Variants in CCSER1 observed in about 807,000 individuals in gnomAD.
CCSER1 encodes the protein serine-rich coiled-coil domain-containing protein 1.
A neutral mutation model predicts 82.0 loss-of-function variants in CCSER1; 41 were observed. The observed-to-expected ratio is 0.50, with a 90% CI of 0.39 to 0.65. CCSER1 has a LOEUF of 0.65. Among genes scored for constraint, CCSER1 ranks in the 30% least tolerant of loss-of-function variants. The probability of loss-of-function intolerance (pLI) is 0.00; values close to 1 mark genes in which losing one functional copy is unlikely to be tolerated. For missense variants in CCSER1, 1,119 were observed against 1,064.2 expected (o/e 1.05, Z -0.72); for synonymous variants, 414 against 383.9 (o/e 1.08, Z -0.92).
chr4:91,440,925 A>G (rs1480376872), intron 10 of CCSER1, among the ~76,000 whole-genome samples: 2 of 152,146 alleles, frequency 1.3e-5, no homozygotes, highest in African/African-American at 2.4e-5. Flanking sequence ...ACCAGGAAGA[A>G]GTTGAATCTC....
At chr4:91,215,157 T>C (rs913680530) in intron 10 of CCSER1, among the ~76,000 whole-genome samples, 3 of 152,156 alleles carry the variant, frequency 2.0e-5, no homozygotes, top group African/African-American at 7.2e-5. Context: ...TACCTATATA[T>C]GGTGAGCCTT....
intron 10 of CCSER1, among the ~76,000 whole-genome samples, chr4:91,348,517 T>G (rs1372210439): frequency 1.3e-5 from 2 of 152,198 alleles, no homozygotes; most frequent in Admixed American, 1.3e-4. Flanking sequence ...TCCCACTACT[T>G]CCATTTTTTG....
intron 10 of CCSER1, among the ~76,000 whole-genome samples, chr4:91,498,452 T>C (rs1418463289): frequency 1.1e-5 from 1 of 88,452 alleles, no homozygotes; most frequent in Non-Finnish European, 2.8e-5. Flanking sequence ...CTTTGTTCTA[T>C]TTATGCTTTT....
chr4:90,429,510 C>A (rs1757986100), intron 4 of CCSER1, among the ~76,000 whole-genome samples: 1 of 151,732 alleles, frequency 6.6e-6, no homozygotes, highest in Admixed American at 6.6e-5. Context: ...ACTATTATAG[C>A]TTATTTATTT....
At chr4:91,075,173 G>A (rs1445055238) in intron 9 of CCSER1, among the ~76,000 whole-genome samples, 1 of 94,224 alleles carries the variant, frequency 1.1e-5, no homozygotes, top group Non-Finnish European at 2.0e-5. Context: ...TTGGTAGGAA[G>A]TTCTATTTTT....
chr4:90,630,871 T>G (rs1309870081), intron 6 of CCSER1, among the ~76,000 whole-genome samples: 2 of 59,252 alleles, frequency 3.4e-5, no homozygotes, highest in Admixed American at 1.4e-4. Flanking sequence ...GTTCACAGAT[T>G]ATTATTATTA....
intron 5 of CCSER1, among the ~76,000 whole-genome samples, chr4:90,489,827 C>T (rs1465074669): frequency 2.0e-5 from 3 of 152,138 alleles, no homozygotes; most frequent in South Asian, 2.1e-4. Flanking sequence ...CAGCTTCATT[C>T]ATGTCCCTAC....
intron 7 of CCSER1, among the ~76,000 whole-genome samples, chr4:90,747,100 T>C (rs772412927): frequency 1.1e-4 from 16 of 151,704 alleles, no homozygotes; most frequent in Non-Finnish European, 1.6e-4. Flanking sequence ...AGGGAGGAGA[T>C]GGGAGACAGA....
At chr4:90,407,241 A>G (rs146251051) in intron 4 of CCSER1, among the ~76,000 whole-genome samples, 68 of 152,326 alleles carry the variant, frequency 4.5e-4, no homozygotes, top group Middle Eastern at 6.8e-3. Context: ...ACACCTTTAC[A>G]CACATAAACT....
intron 10 of CCSER1, among the ~76,000 whole-genome samples, chr4:91,377,887 A>G (rs1464290767): frequency 6.6e-6 from 1 of 152,164 alleles, no homozygotes; most frequent in Non-Finnish European, 1.5e-5. Context: ...TTTTAGGTCT[A>G]ACATTTAAGT....
At chr4:91,008,606 G>A (rs1010928873) in intron 9 of CCSER1, among the ~76,000 whole-genome samples, 3 of 152,130 alleles carry the variant, frequency 2.0e-5, no homozygotes, top group African/African-American at 7.2e-5. Context: ...AGGCTAAAAT[G>A]GGTCTTTTGG....
chr4:90,608,486 ATTAAATT>A (rs1785026772), intron 5 of CCSER1, among the ~76,000 whole-genome samples: 1 of 152,194 alleles, frequency 6.6e-6, no homozygotes, highest in Non-Finnish European at 1.5e-5. Flanking sequence ...ACGATATCCC[ATTAAATT>A]CACAGTTTCT....
intron 1 of CCSER1, among the ~76,000 whole-genome samples, chr4:90,173,054 G>T (rs1306686889): frequency 6.6e-6 from 1 of 151,712 alleles, no homozygotes; most frequent in East Asian, 1.9e-4. Context: ...GTTTTTTCAT[G>T]CTGAACTTGA....
intron 10 of CCSER1, among the ~76,000 whole-genome samples, chr4:91,522,503 G>A (rs1000190646): frequency 2.0e-5 from 3 of 152,178 alleles, no homozygotes; most frequent in African/African-American, 7.2e-5. Flanking sequence ...TCCTATCCAT[G>A]AGCATGGAAT....
At chr4:90,512,509 T>C (rs1771677253) in intron 5 of CCSER1, among the ~76,000 whole-genome samples, 1 of 152,150 alleles carries the variant, frequency 6.6e-6, no homozygotes, top group Admixed American at 6.6e-5. Context: ...GACATGCCTA[T>C]AACAAGACTC....
intron 5 of CCSER1, among the ~76,000 whole-genome samples, chr4:90,598,670 C>A (rs991716330): frequency 6.6e-6 from 1 of 151,878 alleles, no homozygotes; most frequent in Non-Finnish European, 1.5e-5. Context: ...TAAAATTTTT[C>A]TGCTGTTGAA....
chr4:90,522,209 A>G (rs1361621402), intron 5 of CCSER1, among the ~76,000 whole-genome samples: 2 of 152,164 alleles, frequency 1.3e-5, no homozygotes, highest in Non-Finnish European at 2.9e-5. Flanking sequence ...ATTTGTGGTT[A>G]ATAATATCAT....
At chr4:90,691,532 G>T (rs193037115) in intron 6 of CCSER1, among the ~76,000 whole-genome samples, 1 of 147,002 alleles carries the variant, frequency 6.8e-6, no homozygotes, top group Non-Finnish European at 1.5e-5. Context: ...CATATCACAC[G>T]TATAATACAT....
At chr4:91,337,343 C>T (rs139953252) in intron 10 of CCSER1, among the ~76,000 whole-genome samples, 256 of 152,190 alleles carry the variant, frequency 1.7e-3, no homozygotes, top group African/African-American at 5.4e-3. Flanking sequence ...TATTTTTCTG[C>T]GTTGTGGTCA....
Sources: gnomAD v4.1 joint callset for allele counts (sites outside exome capture counted in the v4.1 genomes callset) on GRCh38, gnomAD v4.1.1 for gene constraint, MANE v1.5 for transcripts, NCBI Gene and HGNC (gene_info 2026-07-23, HGNC 2026-07-21) for gene names.